The following RTP2 variants were observed in gnomAD, a reference collection of about 807,000 sequenced individuals.
The protein encoded by RTP2 is receptor-transporting protein 2.
In RTP2, 12 loss-of-function variants were observed where a neutral mutation model predicts 17.9. The observed-to-expected ratio is 0.67, with a 90% CI of 0.43 to 1.09. The LOEUF (loss-of-function observed/expected upper bound fraction) is 1.09. Among genes scored for constraint, RTP2 ranks in the 50% least tolerant of loss-of-function variants. The pLI is 0.00. For missense variants in RTP2, 327 were observed against 295.7 expected, an observed-to-expected ratio of 1.11 and a Z score of -0.78; for synonymous variants, 126 against 117.7, an observed-to-expected ratio of 1.07 and a Z score of -0.46.
At chr3:187,711,694 T>C in the RTP2 span, among the ~76,000 whole-genome samples, 1 of 152,320 alleles carries the variant, frequency 6.6e-6, no homozygotes, top group Admixed American at 6.5e-5. Context: ...CAGATCTTGA[T>C]TTTCCTCTCA....
At chr3:187,703,484 T>C (rs1232501958), upstream of RTP2, among the ~76,000 whole-genome samples, 1 of 152,254 alleles carries the variant, frequency 6.6e-6, no homozygotes, top group Non-Finnish European at 1.5e-5. Flanking sequence ...CTGACAGCTC[T>C]AGAAGAGCTC....
exon 2 of RTP2, chr3:187,698,963 G>A (rs1240097513): frequency 1.2e-6 from 2 of 1,605,770 alleles, no homozygotes; most frequent in Non-Finnish European, 8.5e-7. Flanking sequence ...GGAAGAGGAT[G>A]ACCACATGGG....
chr3:187,698,600 G>C (rs1036315288), exon 2 of RTP2: 16 of 1,614,246 alleles, frequency 9.9e-6, no homozygotes, highest in Non-Finnish European at 1.3e-5. Flanking sequence ...AGTTGTAGCC[G>C]GATCCCGCCT....
chr3:187,707,447 G>T (rs1347781358), upstream of RTP2, among the ~76,000 whole-genome samples: 1 of 152,158 alleles, frequency 6.6e-6, no homozygotes, highest in African/African-American at 2.4e-5. Context: ...ACCCTTACAG[G>T]ATGACCAATT....
upstream of RTP2, among the ~76,000 whole-genome samples, chr3:187,704,793 C>T (rs1161663377): frequency 6.6e-6 from 1 of 152,124 alleles, no homozygotes; most frequent in Non-Finnish European, 1.5e-5. Context: ...ACAGCATGGT[C>T]CAAGCTCCCA....
chr3:187,711,110 C>G, the RTP2 span, among the ~76,000 whole-genome samples: 1 of 152,182 alleles, frequency 6.6e-6, no homozygotes, highest in Admixed American at 6.5e-5. Context: ...TTTCAGTGTG[C>G]TTTTGATTCC....
upstream of RTP2, among the ~76,000 whole-genome samples, chr3:187,705,681 A>G (rs1441941321): frequency 6.6e-6 from 1 of 152,176 alleles, no homozygotes; most frequent in African/African-American, 2.4e-5. Context: ...GTCACCTTCC[A>G]AAGACTGATG....
chr3:187,706,565 C>T (rs1278420632), upstream of RTP2, among the ~76,000 whole-genome samples: 1 of 152,146 alleles, frequency 6.6e-6, no homozygotes, highest in Non-Finnish European at 1.5e-5. Flanking sequence ...CATGAAGAAC[C>T]AATGCATGCC....
upstream of RTP2, among the ~76,000 whole-genome samples, chr3:187,702,857 G>A (rs919409575): frequency 1.3e-5 from 2 of 152,210 alleles, no homozygotes; most frequent in African/African-American, 4.8e-5. Flanking sequence ...TAGACCAGTT[G>A]GTGAGCTAGA....
the RTP2 span, among the ~76,000 whole-genome samples, chr3:187,710,805 CA>C: frequency 2.0e-5 from 3 of 152,032 alleles, no homozygotes; most frequent in Non-Finnish European, 4.4e-5. Flanking sequence ...AAAGTGTAGG[CA>C]AAAATTCTCT....
chr3:187,709,470 A>T, the RTP2 span, among the ~76,000 whole-genome samples: 2 of 152,112 alleles, frequency 1.3e-5, no homozygotes, highest in Non-Finnish European at 2.9e-5. Flanking sequence ...CAGATCATGA[A>T]GTTAGGATTT....
intron 1 of RTP2, among the ~76,000 whole-genome samples, chr3:187,701,535 T>C (rs565072570): frequency 6.6e-6 from 1 of 152,180 alleles, no homozygotes; most frequent in African/African-American, 2.4e-5. Context: ...TAAATGTTTA[T>C]GTATTCAGAT....
At chr3:187,700,630 C>T (rs1717820738) in intron 1 of RTP2, among the ~76,000 whole-genome samples, 1 of 152,210 alleles carries the variant, frequency 6.6e-6, no homozygotes, top group Admixed American at 6.5e-5. Context: ...CAAACCAACC[C>T]AGAATTGCTT....
At chr3:187,704,738 A>C (rs891326290), upstream of RTP2, among the ~76,000 whole-genome samples, 2 of 152,068 alleles carry the variant, frequency 1.3e-5, no homozygotes, top group African/African-American at 2.4e-5. Context: ...TATTTTCAAG[A>C]GATATTAGGA....
chr3:187,708,485 AG>A, the RTP2 span, among the ~76,000 whole-genome samples: 2 of 152,210 alleles, frequency 1.3e-5, no homozygotes, highest in African/African-American at 4.8e-5. Flanking sequence ...TCCATGTCCA[AG>A]GGGACCCATT....
At chr3:187,703,954 A>G (rs1362571244), upstream of RTP2, among the ~76,000 whole-genome samples, 2 of 152,134 alleles carry the variant, frequency 1.3e-5, no homozygotes, top group African/African-American at 2.4e-5. Flanking sequence ...TTTCTGTGTA[A>G]CAGCACTGTT....
chr3:187,712,153 G>A, the RTP2 span, among the ~76,000 whole-genome samples: 1 of 152,124 alleles, frequency 6.6e-6, no homozygotes, highest in Non-Finnish European at 1.5e-5. Context: ...ACGAGTGCAT[G>A]TAAAACGATG....
At chr3:187,701,240 G>T (rs576499624) in intron 1 of RTP2, among the ~76,000 whole-genome samples, 2 of 152,290 alleles carry the variant, frequency 1.3e-5, no homozygotes, top group African/African-American at 4.8e-5. Flanking sequence ...AGACGGCCTC[G>T]TCCCCTTGGC....
chr3:187,706,612 T>C (rs913287331), upstream of RTP2, among the ~76,000 whole-genome samples: 1 of 152,088 alleles, frequency 6.6e-6, no homozygotes, highest in Non-Finnish European at 1.5e-5. Context: ...TTTCTTTTCT[T>C]TTTTTTTCTT....
Sources: gnomAD v4.1 joint callset for allele counts (sites outside exome capture counted in the v4.1 genomes callset) on GRCh38, gnomAD v4.1.1 for gene constraint, MANE v1.5 for transcripts, NCBI Gene and HGNC (gene_info 2026-07-23, HGNC 2026-07-21) for gene names.